KIDINS220: variants seen among roughly 807,000 people sequenced by gnomAD.
KIDINS220 encodes kinase D interacting substrate 220, also known as kinase D-interacting substrate of 220 kDa.
KIDINS220 carries 63 observed loss-of-function variants against 157.6 expected under a neutral mutation model. The ratio of observed to expected loss-of-function variants is 0.40; its 90% CI spans 0.33 to 0.49. The LOEUF is 0.49. KIDINS220 is among the 20% of genes least tolerant of loss of function. The probability of loss-of-function intolerance (pLI) is 0.66; values close to 1 mark genes in which losing one functional copy is unlikely to be tolerated. For missense variants in KIDINS220, 1,772 were observed against 2,171.2 expected, an observed-to-expected ratio of 0.82 and a Z score of 3.65; for synonymous variants, 732 against 783.6, an observed-to-expected ratio of 0.93 and a Z score of 1.10.
chr2:8,817,219 A>T (rs993210029), intron 4 of KIDINS220, among the ~76,000 whole-genome samples: 30 of 152,170 alleles, frequency 2.0e-4, no homozygotes, highest in Middle Eastern at 3.2e-3. Context: ...TCACATTTTT[A>T]AAAATAAATC....
intron 7 of KIDINS220, among the ~76,000 whole-genome samples, chr2:8,803,967 T>A (rs1308827366): frequency 6.6e-6 from 1 of 152,262 alleles, no homozygotes; most frequent in Non-Finnish European, 1.5e-5. Context: ...TAGAAATATT[T>A]TGGGTCAGCC....
At chr2:8,761,169 A>C (rs990840942) in intron 22 of KIDINS220, among the ~76,000 whole-genome samples, 4 of 152,198 alleles carry the variant, frequency 2.6e-5, no homozygotes, top group African/African-American at 9.6e-5. Flanking sequence ...CCAAGTGATG[A>C]ATTGTCCATG....
intron 6 of KIDINS220, among the ~76,000 whole-genome samples, chr2:8,808,443 G>A (rs946269334): frequency 6.6e-6 from 1 of 152,152 alleles, no homozygotes; most frequent in Non-Finnish European, 1.5e-5. Flanking sequence ...TATATGCTAT[G>A]ATTTCTGCTC....
intron 2 of KIDINS220, among the ~76,000 whole-genome samples, chr2:8,819,258 T>C (rs1677549161): frequency 1.3e-5 from 2 of 152,242 alleles, no homozygotes; most frequent in South Asian, 2.1e-4. Flanking sequence ...CTATGTATAA[T>C]ACACATATGT....
At chr2:8,775,241 C>T (rs1670809157) in intron 21 of KIDINS220, among the ~76,000 whole-genome samples, 1 of 152,168 alleles carries the variant, frequency 6.6e-6, no homozygotes, top group Admixed American at 6.5e-5. Context: ...AGATGTCAAA[C>T]AAGCAACTGA....
At chr2:8,723,375 G>T (rs1663078128), downstream of KIDINS220, 1 of 152,244 alleles carries the variant, frequency 6.6e-6, no homozygotes, top group Admixed American at 6.5e-5. Context: ...AAGGAGCGTG[G>T]GCCTCTGGGT....
At chr2:8,813,587 A>T (rs1676633522) in intron 4 of KIDINS220, among the ~76,000 whole-genome samples, 1 of 152,256 alleles carries the variant, frequency 6.6e-6, no homozygotes. Flanking sequence ...AACATTCATT[A>T]TGAACTCTTC....
At chr2:8,776,705 T>TA (rs1325299502) in intron 21 of KIDINS220, 43 bp downstream of exon 21, 9 of 1,563,810 alleles carry the variant, frequency 5.8e-6, no homozygotes, top group Non-Finnish European at 7.9e-6. Context: ...TTGTGAATGC[T>TA]AAAGCTTATT....
intron 21 of KIDINS220, among the ~76,000 whole-genome samples, chr2:8,772,735 A>C (rs2148174113): frequency 6.6e-6 from 1 of 152,386 alleles, no homozygotes; most frequent in East Asian, 1.9e-4. Context: ...ATTTTTAATT[A>C]GGAAACCACT....
At chr2:8,728,441 A>G (rs1558293069), downstream of KIDINS220, among the ~76,000 whole-genome samples, 1 of 152,246 alleles carries the variant, frequency 6.6e-6, no homozygotes, top group Non-Finnish European at 1.5e-5. Flanking sequence ...TTTTGCACCC[A>G]GTTTAAAGCA....
intron 8 of KIDINS220, among the ~76,000 whole-genome samples, chr2:8,801,012 G>T (rs1381524272): frequency 6.6e-6 from 1 of 152,098 alleles, no homozygotes; most frequent in Non-Finnish European, 1.5e-5. Flanking sequence ...AAACCTAGTG[G>T]ATTTGACAGT....
At chr2:8,746,684 G>A (rs1329205536) in intron 26 of KIDINS220, 1 of 153,782 alleles carries the variant, frequency 6.5e-6, no homozygotes, top group Admixed American at 6.5e-5. Flanking sequence ...AGTTATTAAA[G>A]ATGCATTTTT....
chr2:8,786,047 G>C lies in KIDINS220; in HGVS notation c.1940-17C>G. ...TCTTTTTACCTGTAATGCAACAAAT[G>C]GTTTTAATAATTAACATATCAAGGA... On this transcript the variant is annotated splice_polypyrimidine_tract_variant and intron_variant, in intron 16 of 29. Transcript: ENST00000256707. 2 of 1,588,082 alleles carry C rather than the reference G, an allele frequency of 1.3e-6. No individual in the cohort carries two copies. The highest frequency in any genetic ancestry group is 1.7e-6 in the Non-Finnish European group (2 of 1,168,442).
intron 21 of KIDINS220, among the ~76,000 whole-genome samples, chr2:8,771,090 C>T (rs1213457302): frequency 6.6e-6 from 1 of 152,086 alleles, no homozygotes; most frequent in African/African-American, 2.4e-5. Flanking sequence ...TATACTTCTT[C>T]GACCACGTAT....
chr2:8,728,436 C>T (rs955541405), downstream of KIDINS220, among the ~76,000 whole-genome samples: 1 of 152,194 alleles, frequency 6.6e-6, no homozygotes, highest in African/African-American at 2.4e-5. Flanking sequence ...TATCATTTTG[C>T]ACCCAGTTTA....
chr2:8,790,426 A>G (rs1439856531), intron 13 of KIDINS220, among the ~76,000 whole-genome samples: 1 of 152,188 alleles, frequency 6.6e-6, no homozygotes, highest in Non-Finnish European at 1.5e-5. Flanking sequence ...AAAAATAAAA[A>G]CTATACCCTA....
intron 4 of KIDINS220, among the ~76,000 whole-genome samples, chr2:8,815,417 A>G (rs1676930992): frequency 6.7e-6 from 1 of 149,374 alleles, no homozygotes; most frequent in African/African-American, 2.5e-5. Context: ...AAAGAAAAAG[A>G]AAAAAAAAGG....
chr2:8,730,884 T>C lies in KIDINS220; in HGVS notation c.5152A>G (p.Ser1718Gly). The C allele has an allele frequency of 6.2e-7, 1 of 1,614,226 alleles. No homozygotes were observed. Among genetic ancestry groups the C allele is most frequent in the Non-Finnish European group, 8.5e-7 (1 of 1,180,042 alleles). Residue 1718 changes from serine to glycine, a missense_variant, in exon 30 of 30, where the codon AGT becomes GGT. This residue lies in a region of KIDINS220 where 793 missense variants were observed against 885.5 expected (regional missense o/e 0.90). Transcript: ENST00000256707. The stretch of plus-strand genomic sequence containing the variant: ...TTCTGAATAGTGGTTGGGTTGGGAC[T>C]GGAACTAGGCCTCAAAATGACTTGA... ...TSQVILRPSS[S>G]PNPTTIQNEN...
At chr2:8,743,637 G>T (rs1368797579) in intron 26 of KIDINS220, among the ~76,000 whole-genome samples, 1 of 152,216 alleles carries the variant, frequency 6.6e-6, no homozygotes, top group African/African-American at 2.4e-5. Context: ...GCATGGTGGT[G>T]AGCGCCATGG....
Sources: gnomAD v4.1 joint callset for allele counts (sites outside exome capture counted in the v4.1 genomes callset) on GRCh38, gnomAD v4.1.1 for gene constraint, gnomAD v4.1.1 regional missense constraint, MANE v1.5 for transcripts, NCBI Gene and HGNC (gene_info 2026-07-23, HGNC 2026-07-21) for gene names.